GPC6: variants seen among roughly 807,000 people sequenced by gnomAD.
GPC6 encodes the protein glypican-6.
A neutral mutation model predicts 55.2 loss-of-function variants in GPC6; 14 were observed. That is an observed-to-expected ratio of 0.25 (90% CI 0.17 to 0.40). The LOEUF (loss-of-function observed/expected upper bound fraction) is 0.40, where lower values mean the gene tolerates loss of function less well. Among genes scored for constraint, GPC6 ranks in the 10% least tolerant of loss-of-function variants. The pLI, the probability that GPC6 is intolerant of heterozygous loss-of-function variation, is 1.00. For synonymous variants in GPC6, 278 were observed against 259.6 expected (o/e 1.07, Z -0.68); for missense variants, 641 against 708.5 (o/e 0.90, Z 1.08).
intron 2 of GPC6, among the ~76,000 whole-genome samples, chr13:93,786,678 T>C (rs538306727): frequency 1.0e-3 from 159 of 152,192 alleles, no homozygotes; most frequent in African/African-American, 3.7e-3. Context: ...TTAATAAAAT[T>C]ATTTAAATAC....
intron 1 of GPC6, among the ~76,000 whole-genome samples, chr13:93,483,901 T>C: frequency 6.6e-6 from 1 of 152,186 alleles, no homozygotes; most frequent in Non-Finnish European, 1.5e-5. Flanking sequence ...CTACATATTG[T>C]GTGCCCTGTA....
chr13:93,241,656 T>C (rs1456533685), intron 1 of GPC6, among the ~76,000 whole-genome samples: 2 of 152,178 alleles, frequency 1.3e-5, no homozygotes, highest in African/African-American at 4.8e-5. Flanking sequence ...CTTTATCTGG[T>C]ATTTCCAAGA....
chr13:94,387,732 C>T (rs560994050), intron 7 of GPC6, among the ~76,000 whole-genome samples: 1 of 123,694 alleles, frequency 8.1e-6, no homozygotes, highest in Non-Finnish European at 1.8e-5. Context: ...ACATGAGTTT[C>T]TCTCTCTCTC....
chr13:93,801,208 C>G (rs1467051537), intron 2 of GPC6, among the ~76,000 whole-genome samples: 1 of 152,158 alleles, frequency 6.6e-6, no homozygotes, highest in African/African-American at 2.4e-5. Context: ...TATATTGTCT[C>G]CAGGCTATCT....
intron 1 of GPC6, among the ~76,000 whole-genome samples, chr13:93,322,161 A>G (rs1320874187): frequency 6.6e-6 from 1 of 152,162 alleles, no homozygotes; most frequent in African/African-American, 2.4e-5. Context: ...TCTTTTTTAA[A>G]ACTTTTAAGT....
At chr13:93,238,577 G>T (rs1215620048) in intron 1 of GPC6, among the ~76,000 whole-genome samples, 1 of 151,870 alleles carries the variant, frequency 6.6e-6, no homozygotes, top group Non-Finnish European at 1.5e-5. Flanking sequence ...TCTTTCTTTT[G>T]GATAGTTGCT....
At chr13:93,327,850 C>A (rs772591318) in intron 1 of GPC6, among the ~76,000 whole-genome samples, 2 of 151,786 alleles carry the variant, frequency 1.3e-5, no homozygotes, top group African/African-American at 2.4e-5. Context: ...ATATTTTAAG[C>A]CTTCTAAATT....
chr13:93,770,780 G>A (rs1169509167), intron 2 of GPC6, among the ~76,000 whole-genome samples: 2 of 151,938 alleles, frequency 1.3e-5, no homozygotes, highest in Non-Finnish European at 2.9e-5. Context: ...TCAACTTAAG[G>A]CTAATATTAG....
At chr13:93,623,455 C>CTTTTTTTTTTTTTTTT (rs567830011) in intron 2 of GPC6, among the ~76,000 whole-genome samples, 2 of 116,196 alleles carry the variant, frequency 1.7e-5, no homozygotes, top group African/African-American at 3.4e-5. Flanking sequence ...CTTTTCTTTT[C>CTTTTTTTTTTTTTTTT]TTTTTTTTTT....
chr13:93,823,243 A>G (rs983736379), intron 2 of GPC6, among the ~76,000 whole-genome samples: 5 of 152,080 alleles, frequency 3.3e-5, no homozygotes, highest in African/African-American at 9.7e-5. Flanking sequence ...GAATTTATCC[A>G]CTGTCCTAAG....
At chr13:93,400,718 C>T (rs1227336364) in intron 1 of GPC6, among the ~76,000 whole-genome samples, 1 of 151,912 alleles carries the variant, frequency 6.6e-6, no homozygotes, top group Non-Finnish European at 1.5e-5. Context: ...TCGTAGTATA[C>T]CTACTATATA....
At chr13:94,310,887 A>C (rs1445040902) in intron 6 of GPC6, among the ~76,000 whole-genome samples, 1 of 152,194 alleles carries the variant, frequency 6.6e-6, no homozygotes, top group African/African-American at 2.4e-5. Context: ...TCCCTGTTAG[A>C]ATATATTGGC....
intron 2 of GPC6, among the ~76,000 whole-genome samples, chr13:93,744,528 CTTTTTTTT>C (rs71736430): frequency 1.4e-4 from 14 of 97,234 alleles, no homozygotes; most frequent in Non-Finnish European, 1.9e-4. Context: ...TTTCCCTAGT[CTTTTTTTT>C]TTTTTTTTTT....
chr13:93,931,450 A>G (rs1363576772), intron 3 of GPC6, among the ~76,000 whole-genome samples: 1 of 151,862 alleles, frequency 6.6e-6, no homozygotes, highest in East Asian at 1.9e-4. Context: ...AAAAAAAAAA[A>G]AAAAATTGTA....
intron 2 of GPC6, among the ~76,000 whole-genome samples, chr13:93,783,382 T>C (rs1300936031): frequency 1.1e-5 from 1 of 90,688 alleles, no homozygotes; most frequent in African/African-American, 4.7e-5. Flanking sequence ...TCTAGATCAT[T>C]GAGGAATCAC....
At chr13:93,931,783 A>G (rs1878191897) in intron 3 of GPC6, among the ~76,000 whole-genome samples, 1 of 149,932 alleles carries the variant, frequency 6.7e-6, no homozygotes, top group African/African-American at 2.5e-5. Flanking sequence ...AAAAAAAAAA[A>G]AAAAAGATCA....
At chr13:94,402,709 G>A (rs1881194592) in intron 8 of GPC6, among the ~76,000 whole-genome samples, 1 of 152,174 alleles carries the variant, frequency 6.6e-6, no homozygotes, top group Non-Finnish European at 1.5e-5. Flanking sequence ...GAGGCCTCAG[G>A]AAAATTACAA....
intron 1 of GPC6, among the ~76,000 whole-genome samples, chr13:93,268,391 C>T (rs1440055343): frequency 6.6e-6 from 1 of 152,126 alleles, no homozygotes; most frequent in Non-Finnish European, 1.5e-5. Context: ...GAATAATCTC[C>T]ATTTAGAATA....
At chr13:93,469,928 T>C (rs1879048236) in intron 1 of GPC6, among the ~76,000 whole-genome samples, 1 of 152,198 alleles carries the variant, frequency 6.6e-6, no homozygotes, top group African/African-American at 2.4e-5. Context: ...AATGACCATA[T>C]TGGGGGAGTA....
Sources: gnomAD v4.1 joint callset for allele counts (sites outside exome capture counted in the v4.1 genomes callset) on GRCh38, gnomAD v4.1.1 for gene constraint, MANE v1.5 for transcripts, NCBI Gene and HGNC (gene_info 2026-07-23, HGNC 2026-07-21) for gene names.